The following BAZ2B variants were observed in gnomAD, a reference collection of about 807,000 sequenced individuals.
BAZ2B encodes the protein bromodomain adjacent to zinc finger domain protein 2B.
BAZ2B carries 91 observed loss-of-function variants against 246.0 expected under a neutral mutation model. The observed-to-expected ratio is 0.37, with a 90% CI of 0.31 to 0.44. The LOEUF is 0.44. BAZ2B is among the 20% of genes least tolerant of loss of function. The pLI, the probability that BAZ2B is intolerant of heterozygous loss-of-function variation, is 1.00. For synonymous variants in BAZ2B, 855 were observed against 860.0 expected (o/e 0.99, Z 0.10); for missense variants, 2,332 against 2,533.7 (o/e 0.92, Z 1.71).
At chr2:159,622,263 C>CAAAAA in the BAZ2B span, among the ~76,000 whole-genome samples, 4 of 64,886 alleles carry the variant, frequency 6.2e-5, no homozygotes, top group East Asian at 8.9e-4. Flanking sequence ...AGTACTGTCT[C>CAAAAA]AAAAAAAAAA....
At chr2:159,653,373 C>T in the BAZ2B span, among the ~76,000 whole-genome samples, 2 of 152,158 alleles carry the variant, frequency 1.3e-5, no homozygotes, top group East Asian at 3.8e-4. Flanking sequence ...AACATTTATT[C>T]TATTAAAGTA....
chr2:159,351,096 T>C (rs2058513051), intron 27 of BAZ2B, among the ~76,000 whole-genome samples: 2 of 152,072 alleles, frequency 1.3e-5, no homozygotes, highest in African/African-American at 4.8e-5. Flanking sequence ...ATATTAAAAG[T>C]ACAAAAAATA....
the BAZ2B span, among the ~76,000 whole-genome samples, chr2:159,688,900 C>T: frequency 6.6e-6 from 1 of 152,292 alleles, no homozygotes; most frequent in African/African-American, 2.4e-5. Context: ...GAGATGCATG[C>T]TATTGGTCCC....
the BAZ2B span, among the ~76,000 whole-genome samples, chr2:159,702,028 A>G: frequency 1.3e-5 from 2 of 152,174 alleles, no homozygotes; most frequent in Admixed American, 6.5e-5. Flanking sequence ...GCGCCAGGCC[A>G]TTCTTAAATA....
At chr2:159,371,819 G>C (rs1299748994) in intron 27 of BAZ2B, among the ~76,000 whole-genome samples, 2 of 152,122 alleles carry the variant, frequency 1.3e-5, no homozygotes, top group Non-Finnish European at 2.9e-5. Context: ...TCTCAGCTTT[G>C]ATCCCTCTAG....
chr2:159,708,492 G>A, the BAZ2B span, among the ~76,000 whole-genome samples: 3 of 151,768 alleles, frequency 2.0e-5, no homozygotes, highest in African/African-American at 7.3e-5. Context: ...ATGTAAGAGA[G>A]GTTTCTCAGA....
At chr2:159,391,836 T>C (rs1383052222) in intron 20 of BAZ2B, among the ~76,000 whole-genome samples, 3 of 152,202 alleles carry the variant, frequency 2.0e-5, no homozygotes, top group African/African-American at 7.2e-5. Flanking sequence ...GTGACCTTTA[T>C]CAGTTAAAGA....
At chr2:159,688,269 T>C in the BAZ2B span, among the ~76,000 whole-genome samples, 1 of 152,118 alleles carries the variant, frequency 6.6e-6, no homozygotes, top group East Asian at 1.9e-4. Context: ...CTTGAACTCC[T>C]AAGCTCAAGC....
chr2:159,336,466 T>G (rs1433765053), intron 33 of BAZ2B, among the ~76,000 whole-genome samples: 1 of 152,230 alleles, frequency 6.6e-6, no homozygotes, highest in Non-Finnish European at 1.5e-5. Flanking sequence ...CAACCACATC[T>G]GATGCCAAAT....
chr2:159,371,345 T>C (rs1328006085), intron 27 of BAZ2B, among the ~76,000 whole-genome samples: 1 of 152,026 alleles, frequency 6.6e-6, no homozygotes, highest in Non-Finnish European at 1.5e-5. Context: ...GGCTTTGCCA[T>C]GTTGCCCAGG....
the BAZ2B span, among the ~76,000 whole-genome samples, chr2:159,661,961 C>G: frequency 3.9e-5 from 6 of 152,156 alleles, no homozygotes; most frequent in Non-Finnish European, 7.4e-5. Flanking sequence ...GACCACCCCC[C>G]ACCCAAAATA....
rs372805282 is a variant in BAZ2B, at chr2:159,349,184, G to C, written c.4960C>G (p.Leu1654Val). Residue 1654 changes from leucine to valine, a missense_variant, in exon 29 of 37, where the codon CTA becomes GTA. Leu to Val is a conservative substitution (Grantham distance 32). Around this residue, in one of 9 missense-constraint regions of BAZ2B, gnomAD observed 676 missense variants for 668.6 expected, o/e 1.01. Transcript: ENST00000392783. Reference sequence around the variant, plus strand: ...TCTGATAACCCTAACCCCGATCCTAGACTAGGTACAGATGATGTAAATGGA... The same window carrying C: ...TCTGATAACCCTAACCCCGATCCTACACTAGGTACAGATGATGTAAATGGA... ...NIPFTSSVPS[L>V]GSGLGLSEGN... 2 of 1,613,944 alleles carry C rather than the reference G, an allele frequency of 1.2e-6. No individual in the cohort carries two copies. Among genetic ancestry groups the C allele is most frequent in the African/African-American group, 2.7e-5 (2 of 74,926 alleles).
At chr2:159,427,462 A>G (rs2070163092) in intron 13 of BAZ2B, among the ~76,000 whole-genome samples, 1 of 152,000 alleles carries the variant, frequency 6.6e-6, no homozygotes, top group South Asian at 2.1e-4. Flanking sequence ...AGAAATGACA[A>G]AAAAAAACTT....
intron 32 of BAZ2B, 164 bp downstream of exon 32, chr2:159,337,403 A>T: frequency 6.9e-7 from 1 of 1,449,726 alleles, no homozygotes; most frequent in Non-Finnish European, 9.3e-7. Context: ...GGCAATAGAA[A>T]ATAGGCTCCA....
chr2:159,704,124 C>T, the BAZ2B span, among the ~76,000 whole-genome samples: 2 of 152,044 alleles, frequency 1.3e-5, no homozygotes, highest in Non-Finnish European at 2.9e-5. Context: ...ACTGAAGCTC[C>T]ATGGTAAGAA....
At chr2:159,447,398 A>G (rs2150380089) in intron 5 of BAZ2B, among the ~76,000 whole-genome samples, 1 of 152,322 alleles carries the variant, frequency 6.6e-6, no homozygotes, top group South Asian at 2.1e-4. Flanking sequence ...GAAATGCAAA[A>G]CTTTGTGTTT....
At chr2:159,341,008 G>C (rs1344014818) in intron 31 of BAZ2B, among the ~76,000 whole-genome samples, 1 of 152,026 alleles carries the variant, frequency 6.6e-6, no homozygotes, top group African/African-American at 2.4e-5. Context: ...AATGACAGGA[G>C]TAAGCACTCA....
the BAZ2B span, among the ~76,000 whole-genome samples, chr2:159,692,956 G>A: frequency 6.6e-6 from 1 of 152,072 alleles, no homozygotes; most frequent in Non-Finnish European, 1.5e-5. Context: ...CTACAGGTAC[G>A]TGCCACCATG....
chr2:159,484,701 T>C (rs1338996304), intron 2 of BAZ2B, among the ~76,000 whole-genome samples: 1 of 152,206 alleles, frequency 6.6e-6, no homozygotes, highest in African/African-American at 2.4e-5. Context: ...TGACAGCTGG[T>C]AGGTGTAAAC....
Sources: gnomAD v4.1 joint callset for allele counts (sites outside exome capture counted in the v4.1 genomes callset) on GRCh38, gnomAD v4.1.1 for gene constraint, gnomAD v4.1.1 regional missense constraint, MANE v1.5 for transcripts, NCBI Gene and HGNC (gene_info 2026-07-23, HGNC 2026-07-21) for gene names.